The following ITGBL1 variants were observed in gnomAD, a reference collection of about 807,000 sequenced individuals.
ITGBL1 encodes integrin subunit beta like 1, also known as integrin beta-like protein 1.
Under a neutral mutation model 68.5 loss-of-function variants are expected in ITGBL1, and 51 were observed. The ratio of observed to expected loss-of-function variants is 0.74; its 90% CI spans 0.59 to 0.94. ITGBL1 has a LOEUF of 0.94. Among genes scored for constraint, ITGBL1 ranks in the 40% least tolerant of loss-of-function variants. The pLI, the probability that ITGBL1 is intolerant of heterozygous loss-of-function variation, is 0.00. For synonymous variants in ITGBL1, 209 were observed against 227.3 expected (o/e 0.92, Z 0.72); for missense variants, 649 against 647.4 (o/e 1.00, Z -0.03).
chr13:101,538,540 A>G (rs943824638), intron 2 of ITGBL1, among the ~76,000 whole-genome samples: 10 of 152,118 alleles, frequency 6.6e-5, no homozygotes, highest in African/African-American at 2.4e-4. Flanking sequence ...GATTTTTTAA[A>G]TTTACCTTTA....
At chr13:101,558,449 C>T (rs570661648) in intron 2 of ITGBL1, among the ~76,000 whole-genome samples, 96 of 152,160 alleles carry the variant, frequency 6.3e-4, no homozygotes, top group Non-Finnish European at 1.2e-3. Context: ...TGCACTGCTA[C>T]CCCCTGAATC....
At chr13:101,497,453 G>A (rs547785305) in intron 2 of ITGBL1, among the ~76,000 whole-genome samples, 25 of 152,192 alleles carry the variant, frequency 1.6e-4, no homozygotes, top group South Asian at 8.3e-4. Flanking sequence ...CCCACAGTCC[G>A]TATGCCATCC....
chr13:101,678,796 G>A (rs952204943), intron 7 of ITGBL1, among the ~76,000 whole-genome samples: 5 of 152,152 alleles, frequency 3.3e-5, no homozygotes, highest in East Asian at 1.9e-4. Context: ...CACTGTGCCC[G>A]GCCCACTTTT....
intron 7 of ITGBL1, among the ~76,000 whole-genome samples, chr13:101,623,352 A>G (rs1311613590): frequency 3.3e-5 from 5 of 152,150 alleles, no homozygotes; most frequent in Non-Finnish European, 7.4e-5. Flanking sequence ...CTTTTCTCTA[A>G]AAGTCATAAA....
At chr13:101,677,195 G>A (rs998177515) in intron 7 of ITGBL1, among the ~76,000 whole-genome samples, 9 of 152,164 alleles carry the variant, frequency 5.9e-5, no homozygotes, top group South Asian at 2.1e-4. Flanking sequence ...ACATATTGTC[G>A]GCAGAGGGGG....
At chr13:101,484,781 T>C (rs1441447475) in intron 2 of ITGBL1, among the ~76,000 whole-genome samples, 1 of 152,078 alleles carries the variant, frequency 6.6e-6, no homozygotes, top group East Asian at 1.9e-4. Context: ...TAATTTAATT[T>C]GTGAAGGACA....
At chr13:101,489,811 C>A in intron 2 of ITGBL1, 1 of 570,460 alleles carries the variant, frequency 1.8e-6, no homozygotes, top group Non-Finnish European at 3.1e-6. Flanking sequence ...GAGGATGCTG[C>A]GATACTGATC....
intron 2 of ITGBL1, among the ~76,000 whole-genome samples, chr13:101,534,700 G>A (rs1315589123): frequency 6.6e-6 from 1 of 152,116 alleles, no homozygotes; most frequent in Non-Finnish European, 1.5e-5. Context: ...GGTGTTAAAT[G>A]TTCATAAAGG....
chr13:101,522,950 G>C (rs1362731358), intron 2 of ITGBL1, among the ~76,000 whole-genome samples: 1 of 152,174 alleles, frequency 6.6e-6, no homozygotes, highest in African/African-American at 2.4e-5. Context: ...GCAAAATAAT[G>C]CCAAATGGAC....
Position 101,664,567 on chromosome 13 carries a change from A to G in ITGBL1, c.1016-28018A>G, listed in dbSNP as rs371095471. 1.6e-4 allele frequency among the ~76,000 whole-genome samples: 25 copies of G among 152,324 alleles called. No homozygotes were observed. In the East Asian group the frequency reaches 4.8e-3, roughly 29 times the overall value. ...TACTGTTTAAATGCAGTTGGGATAT[A>G]TAATTGATCCAGGATCAATTTATTG... On this transcript the variant is annotated intron_variant, in intron 7 of 10. Coordinates refer to ENST00000376180, the MANE Select transcript of ITGBL1 (RefSeq NM_004791.3).
At chr13:101,625,746 G>T (rs2031750118) in intron 7 of ITGBL1, among the ~76,000 whole-genome samples, 1 of 152,022 alleles carries the variant, frequency 6.6e-6, no homozygotes, top group South Asian at 2.1e-4. Context: ...TAGAGACGGG[G>T]TTTCATCACG....
intron 7 of ITGBL1, among the ~76,000 whole-genome samples, chr13:101,689,989 G>T (rs906736311): frequency 3.9e-5 from 6 of 152,170 alleles, no homozygotes; most frequent in South Asian, 2.1e-4. Flanking sequence ...CGTTATTTTT[G>T]ATTTTTATCA....
rs188707329 is a variant in ITGBL1 at position 101,510,434 on chromosome 13, G to A, written c.316+56334G>A. 6.6e-5 allele frequency among the ~76,000 whole-genome samples: 10 copies of A among 152,070 alleles called. No individual in the cohort carries two copies. The East Asian group carries it at 9.7e-4, about 15-fold the overall frequency. ...ATTGATGGGTATGTAGGTTGATTCC[G>A]TGTTTTTGCTATTGTGAATAGAACA... On this transcript the variant is annotated intron_variant, in intron 2 of 10. Transcript: ENST00000376180.
At chr13:101,553,985 G>A (rs547342801) in intron 2 of ITGBL1, among the ~76,000 whole-genome samples, 1 of 152,096 alleles carries the variant, frequency 6.6e-6, no homozygotes, top group African/African-American at 2.4e-5. Context: ...TGTTGGTCAG[G>A]CTGGTCTCGA....
At chr13:101,564,434 G>A (rs570371107) in intron 2 of ITGBL1, among the ~76,000 whole-genome samples, 111 of 151,684 alleles carry the variant, frequency 7.3e-4, no homozygotes, top group African/African-American at 2.7e-3. Flanking sequence ...GTCACAAATT[G>A]GGAGAGAATA....
intron 7 of ITGBL1, among the ~76,000 whole-genome samples, chr13:101,671,297 A>G (rs2033352866): frequency 6.6e-6 from 1 of 152,134 alleles, no homozygotes; most frequent in Non-Finnish European, 1.5e-5. Flanking sequence ...ACTAACAAAG[A>G]TGATGTTTTA....
intron 2 of ITGBL1, among the ~76,000 whole-genome samples, chr13:101,502,282 A>G (rs1048549856): frequency 5.3e-5 from 8 of 152,216 alleles, no homozygotes; most frequent in Non-Finnish European, 1.2e-4. Flanking sequence ...ATAAGTTATC[A>G]GAAGGTTGAA....
intron 2 of ITGBL1, among the ~76,000 whole-genome samples, chr13:101,499,388 G>A (rs908713775): frequency 1.3e-5 from 2 of 152,158 alleles, no homozygotes; most frequent in African/African-American, 4.8e-5. Context: ...GAGGTACTCA[G>A]TACAAAATAT....
chr13:101,678,472 T>C (rs1245336733), intron 7 of ITGBL1, among the ~76,000 whole-genome samples: 2 of 151,990 alleles, frequency 1.3e-5, no homozygotes, highest in Non-Finnish European at 2.9e-5. Context: ...TTCTGAAATG[T>C]GTATTAAGGA....
Sources: allele counts gnomAD v4.1 joint callset (sites outside exome capture counted in the v4.1 genomes callset), GRCh38; gene constraint gnomAD v4.1.1; transcripts MANE v1.5; gene names NCBI Gene and HGNC (gene_info 2026-07-23, HGNC 2026-07-21).